TBC1D8: variants seen among roughly 807,000 people sequenced by gnomAD.
TBC1D8 encodes the protein BUB2-like protein 1.
Under a neutral mutation model 118.8 loss-of-function variants are expected in TBC1D8, and 65 were observed. That is an observed-to-expected ratio of 0.55 (90% CI 0.45 to 0.67). The LOEUF is 0.67. Among genes scored for constraint, TBC1D8 ranks in the 30% least tolerant of loss-of-function variants. TBC1D8 has a pLI of 0.00. For synonymous variants in TBC1D8, 566 were observed against 595.8 expected (o/e 0.95, Z 0.73); for missense variants, 1,376 against 1,471.2 (o/e 0.94, Z 1.06).
chr2:101,129,904 CAAA>C (rs762607316), intron 1 of TBC1D8, among the ~76,000 whole-genome samples: 1 of 124,124 alleles, frequency 8.1e-6, no homozygotes. Flanking sequence ...GACTCTGTCT[CAAA>C]AAAAAAAAAA....
intron 2 of TBC1D8, among the ~76,000 whole-genome samples, chr2:101,061,188 A>AAC (rs2105425810): frequency 2.3e-5 from 1 of 42,730 alleles, no homozygotes; most frequent in South Asian, 7.0e-4. Context: ...ACTCTGTCTC[A>AAC]AAAAAAAAAA....
intron 2 of TBC1D8, among the ~76,000 whole-genome samples, chr2:101,079,242 C>T (rs1188410114): frequency 6.6e-6 from 1 of 152,208 alleles, no homozygotes; most frequent in African/African-American, 2.4e-5. Flanking sequence ...AACTAGACGC[C>T]TGCTAAGGTC....
At chr2:101,105,425 C>T (rs1456852189) in intron 1 of TBC1D8, among the ~76,000 whole-genome samples, 1 of 151,618 alleles carries the variant, frequency 6.6e-6, no homozygotes. Flanking sequence ...CCTGTCTCTA[C>T]TAAAAATACA....
At chr2:101,121,606 T>G (rs1458457516) in intron 1 of TBC1D8, among the ~76,000 whole-genome samples, 3 of 152,216 alleles carry the variant, frequency 2.0e-5, no homozygotes, top group African/African-American at 7.2e-5. Flanking sequence ...AGTCCCATCT[T>G]AAGTGCTCCA....
intron 1 of TBC1D8, among the ~76,000 whole-genome samples, chr2:101,099,423 T>C (rs1243583660): frequency 6.6e-6 from 1 of 152,160 alleles, no homozygotes; most frequent in Admixed American, 6.5e-5. Flanking sequence ...CTGAATTCTA[T>C]CAGAAATACA....
In TBC1D8 at chr2:101,051,686, C is replaced by T. The variant is rs573287524; in HGVS notation, c.632-1045G>A. 6.0e-4 allele frequency among the ~76,000 whole-genome samples: 91 copies of T among 152,102 alleles called. 1 individual carries two copies. In the South Asian group the frequency reaches 8.9e-3, roughly 15 times the overall value. On this transcript the variant is annotated intron_variant, in intron 4 of 19. Coordinates refer to ENST00000409318, the MANE Select transcript of TBC1D8 (RefSeq NM_001330348.2). The stretch of plus-strand genomic sequence containing the variant: ...TTTTCAAAAGAAGACATACATGCGG[C>T]CAACAAGCATATGGAAAAAAAAAGC...
At chr2:101,008,340 A>G in intron 19 of TBC1D8, 67 bp from the exon 20 acceptor site, 1 of 1,269,614 alleles carries the variant, frequency 7.9e-7, no homozygotes, top group Non-Finnish European at 1.1e-6. Context: ...TTTTTTAAAC[A>G]TACCTGTGAG....
chr2:101,038,382 C>A lies in TBC1D8; in HGVS notation c.1275+79G>T. On this transcript the variant is annotated intron_variant, in intron 7 of 19. Coordinates refer to ENST00000409318, the MANE Select transcript of TBC1D8 (RefSeq NM_001330348.2). ...GCATTCTTCTCATCCCCACATGGCT[C>A]TCCCCATGTGTACTCCCCTTTGGAG... is the stretch of plus-strand genomic sequence containing the variant. 3 of 1,460,486 alleles carry A rather than the reference C, an allele frequency of 2.1e-6. No homozygotes were observed. In the South Asian group the frequency reaches 3.7e-5, roughly 18 times the overall value. The allele number at this position is 1,460,486 out of a possible 1,614,324, so 90.5% of individuals were successfully genotyped here.
chr2:101,029,461 G>A, intron 12 of TBC1D8, 30 bp downstream of exon 12: 1 of 1,597,102 alleles, frequency 6.3e-7, no homozygotes, highest in Non-Finnish European at 8.6e-7. Context: ...CTCCATCTCT[G>A]GTTGGCCACA....
chr2:101,019,961 A>G (rs1254968576), intron 17 of TBC1D8, among the ~76,000 whole-genome samples: 2 of 151,528 alleles, frequency 1.3e-5, no homozygotes, highest in African/African-American at 4.8e-5. Flanking sequence ...AGTCCCAGCT[A>G]CTCGGGAGGC....
At chr2:101,063,461 T>C (rs1312756498) in intron 2 of TBC1D8, among the ~76,000 whole-genome samples, 4 of 152,148 alleles carry the variant, frequency 2.6e-5, no homozygotes, top group Admixed American at 6.5e-5. Flanking sequence ...AAGACATAAT[T>C]GTATGCTTCT....
chr2:101,135,402 T>C (rs966329353), intron 1 of TBC1D8, among the ~76,000 whole-genome samples: 3 of 151,732 alleles, frequency 2.0e-5, no homozygotes, highest in East Asian at 1.9e-4. Flanking sequence ...GAAAACAGAA[T>C]TGTAGCTCAA....
Position 101,050,633 on chromosome 2 carries a change from C to G in TBC1D8, c.640G>C (p.Val214Leu). Residue 214 changes from valine (V) to leucine (L), a missense_variant, in exon 5 of 20, where the codon GTG becomes CTG. Physicochemically the swap from Val to Leu is conservative, Grantham distance 32 (BLOSUM62 1). Coordinates refer to ENST00000409318, the MANE Select transcript of TBC1D8 (RefSeq NM_001330348.2). The part of the protein sequence containing the change: ...SFFLGKELKL[V>L]VPWVDIQKLE... ...TTCTGGATATCAACCCACGGAACCA[C>G]AAGTTTAACTGTAAGAGAAAAGGGT... 1 of 1,613,576 alleles carries G rather than the reference C, an allele frequency of 6.2e-7. No individual in the cohort carries two copies. The highest frequency in any genetic ancestry group is 8.5e-7 in the Non-Finnish European group (1 of 1,179,784).
At chr2:101,136,514 G>A (rs1221362022) in intron 1 of TBC1D8, among the ~76,000 whole-genome samples, 1 of 152,148 alleles carries the variant, frequency 6.6e-6, no homozygotes, top group East Asian at 1.9e-4. Context: ...GACTGAAAGA[G>A]AACCGAATCC....
In TBC1D8 at chr2:101,059,565, G is replaced by C. The variant is rs1393989518; in HGVS notation, c.284-26C>G. On this transcript the variant is annotated intron_variant, in intron 2 of 19. Coordinates refer to ENST00000409318, the MANE Select transcript of TBC1D8 (RefSeq NM_001330348.2). Reference sequence around the variant, plus strand: ...CTGGATTCAAACAGAAAAAGATACAGAGATTAAAAAATGCAATAGAAGTAA... The same window carrying C: ...CTGGATTCAAACAGAAAAAGATACACAGATTAAAAAATGCAATAGAAGTAA... The C allele has an allele frequency of 1.9e-6, 3 of 1,552,780 alleles. No individual in the cohort carries two copies. The Admixed American group carries it at 5.2e-5, about 27-fold the overall frequency.
At chr2:101,027,251 C>G in intron 15 of TBC1D8, 132 bp downstream of exon 15, 1 of 741,144 alleles carries the variant, frequency 1.3e-6, no homozygotes, top group Non-Finnish European at 2.3e-6. Flanking sequence ...AAGACAGCTT[C>G]AAGGGGGGCA....
intron 11 of TBC1D8, among the ~76,000 whole-genome samples, chr2:101,030,197 A>T (rs560754538): frequency 6.6e-6 from 1 of 152,370 alleles, no homozygotes; most frequent in Non-Finnish European, 1.5e-5. Flanking sequence ...CATCAAAATT[A>T]AAACTGCTGT....
intron 2 of TBC1D8, among the ~76,000 whole-genome samples, chr2:101,063,716 G>C (rs768811034): frequency 1.3e-5 from 2 of 151,790 alleles, no homozygotes; most frequent in Non-Finnish European, 2.9e-5. Flanking sequence ...CACTACAGCA[G>C]TTTTTCAAAT....
intron 2 of TBC1D8, among the ~76,000 whole-genome samples, 156 bp downstream of exon 2, chr2:101,090,053 A>C: frequency 7.8e-6 from 1 of 128,414 alleles, no homozygotes. Context: ...AGGAGAGGGA[A>C]GGGGAAGGAA....
Sources: allele counts gnomAD v4.1 joint callset (sites outside exome capture counted in the v4.1 genomes callset), GRCh38; gene constraint gnomAD v4.1.1; transcripts MANE v1.5; gene names NCBI Gene and HGNC (gene_info 2026-07-23, HGNC 2026-07-21).